Variants in MYO7B observed in about 807,000 individuals in gnomAD.
MYO7B encodes the protein myosin VIIB.
In MYO7B, 212 loss-of-function variants were observed where a neutral mutation model predicts 259.7. The observed-to-expected ratio is 0.82, with a 90% CI of 0.73 to 0.91. The LOEUF is 0.91. Ranked by LOEUF, MYO7B falls within the 40% of genes least tolerant of loss-of-function variation. MYO7B has a pLI of 0.00. For missense variants in MYO7B, 2,732 were observed against 2,813.5 expected (o/e 0.97, Z 0.66); for synonymous variants, 1,197 against 1,166.4 (o/e 1.03, Z -0.54).
intron 5 of MYO7B, among the ~76,000 whole-genome samples, chr2:127,567,088 G>A (rs940466167): frequency 1.3e-5 from 2 of 152,152 alleles, no homozygotes; most frequent in African/African-American, 4.8e-5. Flanking sequence ...AAGGAAGGAA[G>A]TTGGGCTGGG....
intron 1 of MYO7B, among the ~76,000 whole-genome samples, chr2:127,536,282 C>T (rs1692772209): frequency 6.6e-6 from 1 of 152,212 alleles, no homozygotes; most frequent in African/African-American, 2.4e-5. Context: ...GGTGGAATTG[C>T]CTCCATTTTA....
rs201628330 is a variant in MYO7B at position 127,625,462 on chromosome 2, G to A, written c.4142G>A (p.Cys1381Tyr). The change falls in exon 31 of 48, where the codon TGC (cysteine) becomes TAC (tyrosine). Residue 1381 changes from cysteine to tyrosine, a missense_variant. Cys to Tyr is a radical substitution (Grantham distance 194). Coordinates refer to ENST00000409816, the MANE Select transcript of MYO7B (RefSeq NM_001393586.1). The stretch of plus-strand genomic sequence containing the variant: ...GCTGTCCAGGAGCTGCTGCCCAGCT[G>A]CATCCCCCACAAGCTGTACAGGACC... ...SKAVQELLPS[C>Y]IPHKLYRTKP... The A allele has an allele frequency of 1.5e-5, 24 of 1,612,416 alleles. No individual in the cohort carries two copies. In the African/African-American group the frequency reaches 2.9e-4, roughly 20 times the overall value.
chr2:127,574,024 G>C lies in MYO7B; in HGVS notation c.697G>C (p.Glu233Gln). ...PSGVIEGARI[E>Q]QFLLEKSRVC... ...CGGGGTGATCGAGGGCGCGCGCATC[G>C]AGCAATTTCTCCTGGAGAAGTCCCG... Residue 233 changes from glutamate (E) to glutamine (Q), a missense_variant, in exon 7 of 48, where the codon GAG becomes CAG. By Grantham distance (29) the Glu-to-Gln change is conservative. Transcript: ENST00000409816. 3.1e-6 allele frequency: 5 copies of C among 1,614,020 alleles called. No homozygotes were observed. In the South Asian group the frequency reaches 4.4e-5, roughly 14 times the overall value.
chr2:127,628,318 C>A lies in MYO7B; in HGVS notation c.4461-54C>A. 6.4e-7 allele frequency: 1 copy of A among 1,554,938 alleles called. No individual in the cohort carries two copies. On this transcript the variant is annotated intron_variant, in intron 33 of 47. Coordinates refer to ENST00000409816, the MANE Select transcript of MYO7B (RefSeq NM_001393586.1). The surrounding 1 kb of genome is among the most constrained non-coding windows in gnomAD (Gnocchi z 4.8). ...CCCACCTCCCGAGGCTGTTTAGGGG[C>A]TGGATCAGGGGAAGGTGGAGGGGGC...
intron 19 of MYO7B, among the ~76,000 whole-genome samples, chr2:127,603,960 C>G (rs977012745): frequency 5.3e-5 from 8 of 151,534 alleles, no homozygotes; most frequent in Non-Finnish European, 1.2e-4. Context: ...GGTGAAACCC[C>G]ATCTCTACTA....
At chr2:127,571,005 G>C (rs958864873) in intron 6 of MYO7B, among the ~76,000 whole-genome samples, 1 of 152,188 alleles carries the variant, frequency 6.6e-6, no homozygotes, top group Admixed American at 6.5e-5. Context: ...CATCTGGGTT[G>C]TTTATCGTTT....
At position 127,611,012 on chromosome 2, in the gene MYO7B, A is replaced by C. The variant is rs1228928157; in HGVS notation, c.3192+996A>C. Reference sequence around the variant, plus strand: ...TGAGGGTCAGGAGCAGCTTAGCTGCATAGTCCCAGTTCAGGGTCCCTCATG... The same window carrying C: ...TGAGGGTCAGGAGCAGCTTAGCTGCCTAGTCCCAGTTCAGGGTCCCTCATG... On this transcript the variant is annotated intron_variant, in intron 24 of 47. Transcript: ENST00000409816. The surrounding 1 kb of genome is among the most constrained non-coding windows in gnomAD (Gnocchi z 5.4). Among the ~76,000 whole-genome samples, 2 of 152,242 alleles carry C rather than the reference A, an allele frequency of 1.3e-5. No individual in the cohort carries two copies. The highest frequency in any genetic ancestry group is 2.9e-5 in the Non-Finnish European group (2 of 68,036).
intron 1 of MYO7B, among the ~76,000 whole-genome samples, chr2:127,537,964 G>A (rs1160399219): frequency 6.6e-6 from 1 of 152,202 alleles, no homozygotes; most frequent in Admixed American, 6.5e-5. Context: ...TGCCTTTCCA[G>A]CAGTGTGTAG....
At chr2:127,631,073 G>T in intron 36 of MYO7B, 133 bp from the exon 37 acceptor site, 1 of 1,392,668 alleles carries the variant, frequency 7.2e-7, no homozygotes, top group Non-Finnish European at 9.6e-7. Flanking sequence ...CCAGGCCAGG[G>T]GAGTCAGGAG....
chr2:127,551,992 A>G (rs1324110614), intron 1 of MYO7B, among the ~76,000 whole-genome samples: 1 of 152,184 alleles, frequency 6.6e-6, no homozygotes, highest in Non-Finnish European at 1.5e-5. Flanking sequence ...AGCCCTGCTC[A>G]GCTCCAAGGC....
chr2:127,568,563 G>A (rs1678454433), intron 5 of MYO7B, among the ~76,000 whole-genome samples: 1 of 152,176 alleles, frequency 6.6e-6, no homozygotes, highest in African/African-American at 2.4e-5. Context: ...TGCTTTGCTG[G>A]CATAGTGATT....
At chr2:127,569,712 G>A (rs889946075) in intron 5 of MYO7B, 77 bp from the exon 6 acceptor site, 62 of 1,523,780 alleles carry the variant, frequency 4.1e-5, no homozygotes, top group Admixed American at 1.9e-5. Flanking sequence ...GCAGGACTGG[G>A]GTTTGCAGGA....
chr2:127,549,623 G>T (rs1289325797), intron 1 of MYO7B, among the ~76,000 whole-genome samples: 1 of 152,210 alleles, frequency 6.6e-6, no homozygotes, highest in Non-Finnish European at 1.5e-5. Context: ...GCAGAAGCAG[G>T]TTTGGGGATC....
In MYO7B at chr2:127,597,812, A is replaced by AT. The variant is rs1246825291; in HGVS notation, c.2339+1262dup. Among the ~76,000 whole-genome samples, 6 of 151,718 alleles carry AT rather than the reference A, an allele frequency of 4.0e-5. No homozygotes were observed. The highest frequency in any genetic ancestry group is 1.5e-4 in the African/African-American group (6 of 41,232). On this transcript the variant is annotated intron_variant, in intron 19 of 47. Transcript: ENST00000409816. This position sits in a 1 kb window ranked among gnomAD's most constrained non-coding sequence, Gnocchi z 4.8. ...GCCACCATGCCTGGCTAATTATTGT[A>AT]TTTTTTGTAGAGATGGGGTTTCGCC...
chr2:127,610,834 C>T (rs1388659379), intron 24 of MYO7B, among the ~76,000 whole-genome samples: 1 of 152,258 alleles, frequency 6.6e-6, no homozygotes, highest in East Asian at 1.9e-4. Flanking sequence ...CCAGGAATTA[C>T]AGAGAAGTTG....
At position 127,636,924 on chromosome 2, in the gene MYO7B, GT is replaced by G. The variant is rs1471344181; in HGVS notation, c.6327+13del. The G allele has an allele frequency of 6.2e-7, 1 of 1,609,838 alleles. No homozygotes were observed. Among genetic ancestry groups the G allele is most frequent in the Non-Finnish European group, 8.5e-7 (1 of 1,179,852 alleles). On this transcript the variant is annotated intron_variant, in intron 47 of 47. Transcript: ENST00000409816. The surrounding 1 kb of genome is among the most constrained non-coding windows in gnomAD (Gnocchi z 4.5). ...TGCGAGACCTCCCTGGTGAGCTCAG[GT>G]TCTTTCTCCCATCCAAGATGCATAG...
chr2:127,536,508 C>T (rs981492124), intron 1 of MYO7B, among the ~76,000 whole-genome samples: 1 of 151,756 alleles, frequency 6.6e-6, no homozygotes, highest in African/African-American at 2.4e-5. Context: ...GGAGAGGGAC[C>T]GCACCGGGGC....
intron 40 of MYO7B, among the ~76,000 whole-genome samples, chr2:127,633,683 A>G (rs1477872526): frequency 6.6e-6 from 1 of 152,056 alleles, no homozygotes; most frequent in Non-Finnish European, 1.5e-5. Context: ...GGTGCAGGAG[A>G]GCAGGTATTC....
intron 14 of MYO7B, 77 bp from the exon 15 acceptor site, chr2:127,588,315 C>T (rs1679381897): frequency 6.6e-7 from 1 of 1,524,534 alleles, no homozygotes; most frequent in Non-Finnish European, 8.9e-7. Flanking sequence ...TGTATTCCCC[C>T]ACACTGCCCT....
Sources: gnomAD v4.1 joint callset for allele counts (sites outside exome capture counted in the v4.1 genomes callset) on GRCh38, gnomAD v4.1.1 for gene constraint, Gnocchi (gnomAD v3.1) non-coding constraint, MANE v1.5 for transcripts, NCBI Gene and HGNC (gene_info 2026-07-23, HGNC 2026-07-21) for gene names.